The following GFOD1 variants were observed in gnomAD, a reference collection of about 807,000 sequenced individuals.
GFOD1 encodes glucose-fructose oxidoreductase domain-containing protein 1.
A neutral mutation model predicts 25.4 loss-of-function variants in GFOD1; 9 were observed. The observed-to-expected ratio is 0.35, with a 90% CI of 0.21 to 0.62. The LOEUF (loss-of-function observed/expected upper bound fraction) is 0.62, where lower values mean the gene tolerates loss of function less well. Ranked by LOEUF, GFOD1 falls within the 20% of genes least tolerant of loss-of-function variation. The pLI, the probability that GFOD1 is intolerant of heterozygous loss-of-function variation, is 0.72. For missense variants in GFOD1, 403 were observed against 556.9 expected (o/e 0.72, Z 2.78); for synonymous variants, 253 against 245.6 (o/e 1.03, Z -0.28).
intron 1 of GFOD1, among the ~76,000 whole-genome samples, chr6:13,386,394 T>C (rs748840537): frequency 1.3e-5 from 2 of 152,088 alleles, no homozygotes; most frequent in African/African-American, 2.4e-5. Flanking sequence ...TGACTCCAGG[T>C]AGCACCTGGC....
At chr6:13,373,741 A>AACACACACACACACACACAC (rs10530031) in intron 1 of GFOD1, among the ~76,000 whole-genome samples, 58 of 129,598 alleles carry the variant, frequency 4.5e-4, no homozygotes, top group East Asian at 2.0e-3. Flanking sequence ...CTGCTCCCCC[A>AACACACACACACACACACAC]ACACACACAC....
intron 1 of GFOD1, among the ~76,000 whole-genome samples, chr6:13,450,805 T>C (rs1758083464): frequency 6.6e-5 from 10 of 152,242 alleles, no homozygotes; most frequent in Admixed American, 6.5e-4. Flanking sequence ...GCCCATCTTA[T>C]GATTTAGGAA....
chr6:13,415,382 A>G (rs536245248), intron 1 of GFOD1, among the ~76,000 whole-genome samples: 1 of 152,230 alleles, frequency 6.6e-6, no homozygotes, highest in African/African-American at 2.4e-5. Context: ...GAGGGAGGGC[A>G]CTGCCATTAT....
At chr6:13,431,286 T>C (rs541186690) in intron 1 of GFOD1, among the ~76,000 whole-genome samples, 80 of 152,312 alleles carry the variant, frequency 5.3e-4, no homozygotes, top group African/African-American at 1.9e-3. Context: ...TTATTGCCCA[T>C]TTTGCAGATG....
At chr6:13,370,282 C>T (rs1464374305) in intron 1 of GFOD1, among the ~76,000 whole-genome samples, 1 of 152,204 alleles carries the variant, frequency 6.6e-6, no homozygotes, top group Non-Finnish European at 1.5e-5. Flanking sequence ...ACTCTCTCTC[C>T]AAAACATGCA....
chr6:13,420,831 G>T (rs16874139), intron 1 of GFOD1, among the ~76,000 whole-genome samples: 9,484 of 152,262 alleles, frequency 0.062, 376 homozygotes, highest in Middle Eastern at 0.12. Flanking sequence ...TGGCACTAAA[G>T]CAGGTTGTGA....
At chr6:13,381,559 T>A (rs1175878036) in intron 1 of GFOD1, among the ~76,000 whole-genome samples, 8 of 152,228 alleles carry the variant, frequency 5.3e-5, no homozygotes, top group Non-Finnish European at 1.2e-4. Flanking sequence ...GGGTTCTGCA[T>A]GGACACAGTG....
At position 13,430,912 on chromosome 6, in the gene GFOD1, A is replaced by G. The variant is rs140567541; in HGVS notation, c.253+55726T>C. On this transcript the variant is annotated intron_variant, in intron 1 of 1. Transcript: ENST00000379287. This position sits in a 1 kb window ranked among gnomAD's most constrained non-coding sequence, Gnocchi z 4.1. The stretch of plus-strand genomic sequence containing the variant: ...CAGGTAACCTTCTCCTGCCCTCTCT[A>G]CAGTCCAGCCATCATACGAATGCCT... Among the ~76,000 whole-genome samples, 1 of 152,178 alleles carries G rather than the reference A, an allele frequency of 6.6e-6. No individual in the cohort carries two copies. Among genetic ancestry groups the G allele is most frequent in the Non-Finnish European group, 1.5e-5 (1 of 68,010 alleles).
At chr6:13,446,837 C>G (rs1187308506) in intron 1 of GFOD1, among the ~76,000 whole-genome samples, 1 of 152,198 alleles carries the variant, frequency 6.6e-6, no homozygotes, top group Non-Finnish European at 1.5e-5. Flanking sequence ...TCTCCTTTCA[C>G]CAACTGGCAG....
intron 1 of GFOD1, among the ~76,000 whole-genome samples, chr6:13,391,222 C>T (rs59033253): frequency 0.033 from 4,952 of 151,846 alleles, 255 homozygotes; most frequent in African/African-American, 0.11. Context: ...ATTCCAGTAA[C>T]CGTGGCTGGA....
At chr6:13,381,124 T>C (rs964152679) in intron 1 of GFOD1, among the ~76,000 whole-genome samples, 1 of 152,214 alleles carries the variant, frequency 6.6e-6, no homozygotes, top group Non-Finnish European at 1.5e-5. Flanking sequence ...AGAGCAGTCA[T>C]GCTGCCCCTG....
chr6:13,459,648 A>T (rs1334294482), intron 1 of GFOD1, among the ~76,000 whole-genome samples: 1 of 152,216 alleles, frequency 6.6e-6, no homozygotes, highest in Non-Finnish European at 1.5e-5. Context: ...AAGGAACTTA[A>T]ATTTATAAGA....
intron 1 of GFOD1, chr6:13,486,258 C>CG (rs1562234483): frequency 5.7e-5 from 14 of 247,580 alleles, no homozygotes; most frequent in Non-Finnish European, 1.1e-5. Flanking sequence ...CCCCCCCCCC[C>CG]ACACACACAC....
chr6:13,429,828 G>A (rs1027756843), intron 1 of GFOD1, among the ~76,000 whole-genome samples: 2 of 152,040 alleles, frequency 1.3e-5, no homozygotes, highest in Non-Finnish European at 1.5e-5. Flanking sequence ...ACATAGATAT[G>A]TAATATATAC....
chr6:13,480,541 G>T (rs1045680187), intron 1 of GFOD1, among the ~76,000 whole-genome samples: 1 of 152,122 alleles, frequency 6.6e-6, no homozygotes, highest in Non-Finnish European at 1.5e-5. Context: ...TTGAGGCAGG[G>T]TCTCACTCTG....
intron 1 of GFOD1, among the ~76,000 whole-genome samples, chr6:13,476,497 G>A (rs1239224528): frequency 6.6e-6 from 1 of 152,154 alleles, no homozygotes; most frequent in Non-Finnish European, 1.5e-5. Flanking sequence ...TGTTGAAAAT[G>A]TTCTAAATAT....
At position 13,365,149 on chromosome 6, in the gene GFOD1, C is replaced by T; in HGVS notation, c.767G>A (p.Gly256Glu). ...GTCGGTGCCCACGGCCAGCAGGCGC[C>T]CGGCTGAGCCCACCACAGTGACATC... Reference protein sequence around the residue: ...KQDVTVVGSAGRLLAVGTDLY... With the variant: ...KQDVTVVGSAERLLAVGTDLY... Residue 256 changes from glycine to glutamate, a missense_variant, in exon 2 of 2, where the codon GGG becomes GAG. Coordinates refer to ENST00000379287, the MANE Select transcript of GFOD1 (RefSeq NM_018988.4). This position sits in a 1 kb window ranked among gnomAD's most constrained non-coding sequence, Gnocchi z 9.2. 1 of 1,613,484 alleles carries T rather than the reference C, an allele frequency of 6.2e-7. No individual in the cohort carries two copies. The highest frequency in any genetic ancestry group is 8.5e-7 in the Non-Finnish European group (1 of 1,179,912).
chr6:13,407,083 T>C (rs1785959587), intron 1 of GFOD1, among the ~76,000 whole-genome samples: 1 of 152,124 alleles, frequency 6.6e-6, no homozygotes, highest in African/African-American at 2.4e-5. Flanking sequence ...CCTTTTCCTG[T>C]GTGACAAGCA....
In GFOD1 at chr6:13,365,051, G is replaced by C; in HGVS notation, c.865C>G (p.Leu289Val). The C allele has an allele frequency of 1.2e-6, 2 of 1,611,000 alleles. No individual in the cohort carries two copies. Among genetic ancestry groups the C allele is most frequent in the Non-Finnish European group, 8.5e-7 (1 of 1,179,904 alleles). ...TCGCTGAAGGCCTTCTCCGGAAGCA[G>C]GGAGTTGCTCACCGGCGTGGCGTCC... ...VQDATPVSNS[L>V]LPEKAFSDIP... The change falls in exon 2 of 2, where the codon CTG (leucine) becomes GTG (valine). Residue 289 changes from leucine to valine, a missense_variant. Leu to Val is a conservative substitution (Grantham distance 32). Transcript: ENST00000379287. The surrounding 1 kb of genome is among the most constrained non-coding windows in gnomAD (Gnocchi z 9.2).
Sources: gnomAD v4.1 joint callset for allele counts (sites outside exome capture counted in the v4.1 genomes callset) on GRCh38, gnomAD v4.1.1 for gene constraint, Gnocchi (gnomAD v3.1) non-coding constraint, MANE v1.5 for transcripts, NCBI Gene and HGNC (gene_info 2026-07-23, HGNC 2026-07-21) for gene names.